Variants in PRKAG2 observed in about 807,000 individuals in gnomAD.
The protein encoded by PRKAG2 is 5'-AMP-activated protein kinase subunit gamma-2.
PRKAG2 carries 26 observed loss-of-function variants against 69.6 expected under a neutral mutation model. The ratio of observed to expected loss-of-function variants is 0.37; its 90% CI spans 0.27 to 0.52. PRKAG2 has a LOEUF of 0.52. Among genes scored for constraint, PRKAG2 ranks in the 20% least tolerant of loss-of-function variants. PRKAG2 has a pLI of 0.90. For missense variants in PRKAG2, 557 were observed against 740.0 expected (o/e 0.75, Z 2.87); for synonymous variants, 293 against 285.0 (o/e 1.03, Z -0.28).
chr7:151,561,412 G>A (rs889582432), intron 14 of PRKAG2, among the ~76,000 whole-genome samples: 4 of 152,184 alleles, frequency 2.6e-5, no homozygotes, highest in African/African-American at 4.8e-5. Flanking sequence ...AAACAAGGTC[G>A]CAGCTCTTAC....
chr7:151,832,508 G>A lies in PRKAG2; in HGVS notation c.114+43999C>T, dbSNP rs918716804. On this transcript the variant is annotated intron_variant, in intron 1 of 15. Transcript: ENST00000287878. ...GTCCACGAGAAAGGGAGGAGGGTCA[G>A]GGCGGCTGAACACCCCCTCAGAGGA... 8.5e-5 allele frequency among the ~76,000 whole-genome samples: 13 copies of A among 152,100 alleles called. No homozygotes were observed. The East Asian group carries it at 2.3e-3, about 27-fold the overall frequency.
intron 1 of PRKAG2, among the ~76,000 whole-genome samples, chr7:151,866,034 A>AG (rs898892979): frequency 1.3e-5 from 2 of 151,792 alleles, no homozygotes; most frequent in African/African-American, 2.4e-5. Context: ...AAAAAAAAAA[A>AG]AGAAAAAGAA....
At position 151,720,715 on chromosome 7, in the gene PRKAG2, G is replaced by A. The variant is rs77665668; in HGVS notation, c.467-45078C>T. Among the ~76,000 whole-genome samples the A allele has an allele frequency of 9.2e-3, 746 of 81,144 alleles. 7 individuals carry two copies. The highest frequency in any genetic ancestry group is 0.014 in the Non-Finnish European group (564 of 40,694). The allele number at this position is 81,144 out of a possible 152,430, so 53.2% of individuals were successfully genotyped here. ...GATGGGGACAGAGGGGGATAAAGGA[G>A]GACAGAGAGAATGGAGGGGATGGAG... On this transcript the variant is annotated intron_variant, in intron 3 of 15. Transcript: ENST00000287878.
intron 5 of PRKAG2, among the ~76,000 whole-genome samples, chr7:151,618,259 C>T (rs1317226799): frequency 6.6e-6 from 1 of 151,914 alleles, no homozygotes; most frequent in African/African-American, 2.4e-5. Flanking sequence ...TCGAGATCAG[C>T]CTGGCCAACA....
intron 3 of PRKAG2, among the ~76,000 whole-genome samples, chr7:151,717,547 C>T (rs1290188159): frequency 6.6e-6 from 1 of 152,156 alleles, no homozygotes; most frequent in African/African-American, 2.4e-5. Context: ...CTCCAGATGC[C>T]TTTTAAGAGA....
intron 8 of PRKAG2, 56 bp downstream of exon 8, chr7:151,574,835 C>T: frequency 6.2e-7 from 1 of 1,611,600 alleles, no homozygotes; most frequent in Non-Finnish European, 8.5e-7. Flanking sequence ...TATACCTACA[C>T]ACATACATAG....
At chr7:151,749,677 G>A (rs2074533637) in intron 3 of PRKAG2, among the ~76,000 whole-genome samples, 1 of 151,026 alleles carries the variant, frequency 6.6e-6, no homozygotes, top group Admixed American at 6.6e-5. Context: ...CCCCAAAGAA[G>A]ACACACAGGT....
At chr7:151,774,212 G>A (rs1386797857) in intron 3 of PRKAG2, among the ~76,000 whole-genome samples, 2 of 152,146 alleles carry the variant, frequency 1.3e-5, no homozygotes, top group Non-Finnish European at 2.9e-5. Flanking sequence ...CCTCTGACCA[G>A]AGGCAAATGT....
At chr7:151,744,550 A>G (rs1036698961) in intron 3 of PRKAG2, among the ~76,000 whole-genome samples, 2 of 152,258 alleles carry the variant, frequency 1.3e-5, no homozygotes, top group African/African-American at 4.8e-5. Flanking sequence ...TGGACTTCCA[A>G]TTATATCAAA....
At chr7:151,700,635 G>A (rs1408833712) in intron 3 of PRKAG2, among the ~76,000 whole-genome samples, 3 of 152,176 alleles carry the variant, frequency 2.0e-5, no homozygotes, top group African/African-American at 7.2e-5. Flanking sequence ...CTGCCGGTCT[G>A]GGGCTCACAC....
At chr7:151,610,364 A>C in intron 5 of PRKAG2, among the ~76,000 whole-genome samples, 1 of 151,708 alleles carries the variant, frequency 6.6e-6, no homozygotes, top group Non-Finnish European at 1.5e-5. Context: ...GCGAGTCTTC[A>C]TTTCAAAACA....
chr7:151,772,090 A>C (rs2076049107), intron 3 of PRKAG2, among the ~76,000 whole-genome samples: 1 of 152,236 alleles, frequency 6.6e-6, no homozygotes, highest in Non-Finnish European at 1.5e-5. Flanking sequence ...GTAAATAGAC[A>C]GTATATCCTG....
intron 6 of PRKAG2, among the ~76,000 whole-genome samples, chr7:151,586,861 T>G (rs1811792529): frequency 6.6e-6 from 1 of 152,222 alleles, no homozygotes; most frequent in African/African-American, 2.4e-5. Flanking sequence ...TCCCTCCTAT[T>G]CAAGCTTTCC....
At chr7:151,713,615 C>T (rs1251005413) in intron 3 of PRKAG2, among the ~76,000 whole-genome samples, 12 of 146,382 alleles carry the variant, frequency 8.2e-5, no homozygotes, top group South Asian at 2.1e-4. Flanking sequence ...GACAAAGTCT[C>T]GCTCTGTTGC....
At position 151,574,878 on chromosome 7, in the gene PRKAG2, T is replaced by C. The variant is rs770683071; in HGVS notation, c.1005+13A>G. The C allele has an allele frequency of 5.5e-5, 88 of 1,613,528 alleles. 1 individual carries two copies. The highest frequency in any genetic ancestry group is 7.2e-5 in the Non-Finnish European group (85 of 1,179,736). On this transcript the variant is annotated intron_variant, in intron 8 of 15. Coordinates refer to ENST00000287878, the MANE Select transcript of PRKAG2 (RefSeq NM_016203.4). ...CAGCTCCAACTACTGACATAGGAAC[T>C]GGTGCCACTTACCATAGGTGATTTA...
chr7:151,592,287 G>T (rs957300901), intron 6 of PRKAG2, among the ~76,000 whole-genome samples: 23 of 152,220 alleles, frequency 1.5e-4, no homozygotes, highest in African/African-American at 5.3e-4. Context: ...TCCCCCAGCA[G>T]GCAGACCTCC....
chr7:151,619,743 C>T (rs1278675313), intron 5 of PRKAG2, among the ~76,000 whole-genome samples: 2 of 152,128 alleles, frequency 1.3e-5, no homozygotes, highest in South Asian at 4.1e-4. Context: ...ACCGGCTAGA[C>T]GCGGTGGCTC....
chr7:151,824,851 C>A (rs558026807), intron 1 of PRKAG2, among the ~76,000 whole-genome samples: 5 of 152,316 alleles, frequency 3.3e-5, no homozygotes, highest in South Asian at 2.1e-4. Context: ...TCTCCTGCCC[C>A]CTTCCCTCTC....
intron 3 of PRKAG2, among the ~76,000 whole-genome samples, chr7:151,726,395 C>CACACACAT (rs1414729174): frequency 2.3e-4 from 34 of 145,984 alleles, no homozygotes; most frequent in African/African-American, 8.5e-4. Flanking sequence ...CACACACACA[C>CACACACAT]ACACACGCAC....
Sources: allele counts gnomAD v4.1 joint callset (sites outside exome capture counted in the v4.1 genomes callset), GRCh38; gene constraint gnomAD v4.1.1; transcripts MANE v1.5; gene names NCBI Gene and HGNC (gene_info 2026-07-23, HGNC 2026-07-21).